FLI1: variants seen among roughly 807,000 people sequenced by gnomAD.
The protein encoded by FLI1 is Friend leukemia integration 1 transcription factor.
FLI1 carries 13 observed loss-of-function variants against 53.1 expected under a neutral mutation model. The ratio of observed to expected loss-of-function variants is 0.24; its 90% CI spans 0.16 to 0.39. The LOEUF (loss-of-function observed/expected upper bound fraction) is 0.39. FLI1 is among the 10% of genes least tolerant of loss of function. The pLI is 1.00. For synonymous variants in FLI1, 244 were observed against 236.7 expected, an observed-to-expected ratio of 1.03 and a Z score of -0.28; for missense variants, 424 against 600.5, an observed-to-expected ratio of 0.71 and a Z score of 3.07.
intron 1 of FLI1, among the ~76,000 whole-genome samples, chr11:128,722,471 A>G (rs1401202099): frequency 6.6e-6 from 1 of 152,230 alleles, no homozygotes; most frequent in Non-Finnish European, 1.5e-5. Context: ...TGCTGTGCCC[A>G]CTGCCCAGAG....
chr11:128,746,937 C>T (rs899487124), intron 1 of FLI1, among the ~76,000 whole-genome samples: 5 of 152,234 alleles, frequency 3.3e-5, no homozygotes, highest in African/African-American at 1.2e-4. Context: ...TTTAAAGCAG[C>T]TGTCCATGAA....
upstream of FLI1, chr11:128,686,496 C>T (rs1265683635): frequency 6.6e-6 from 3 of 456,518 alleles, no homozygotes; most frequent in South Asian, 4.6e-5. Flanking sequence ...TCGGACCCTC[C>T]CTCGCCGGAC....
intron 8 of FLI1, 25 bp downstream of exon 8, chr11:128,809,229 C>G: frequency 6.2e-7 from 1 of 1,609,044 alleles, no homozygotes; most frequent in Non-Finnish European, 8.5e-7. Flanking sequence ...GCCTGCAAGC[C>G]TTTTTTGCCA....
chr11:128,790,870 C>T (rs560969307), intron 5 of FLI1, among the ~76,000 whole-genome samples: 76 of 152,252 alleles, frequency 5.0e-4, no homozygotes, highest in African/African-American at 1.8e-3. Flanking sequence ...TTTAATGAAA[C>T]GCATCACCAT....
chr11:128,812,987 A>G lies in FLI1; in HGVS notation c.*1999A>G, dbSNP rs184045466. 2.5e-3 allele frequency: 415 copies of G among 168,662 alleles called. 87 individuals are homozygous for G. The highest frequency in any genetic ancestry group is 4.4e-3 in the Non-Finnish European group (344 of 77,808). The allele number at this position is 168,662 out of a possible 1,614,324, so 10.4% of individuals were successfully genotyped here. On this transcript the variant is annotated 3_prime_UTR_variant, in exon 9 of 9. Transcript: ENST00000527786. Reference sequence around the variant, plus strand: ...ATTTGCAAGGAATTAGACTCACAGCATTGGTAACCCTAGAACCTTCTTAGG... The same window carrying G: ...ATTTGCAAGGAATTAGACTCACAGCGTTGGTAACCCTAGAACCTTCTTAGG...
Position 128,796,059 on chromosome 11 carries a change from T to A in FLI1, c.656-9307T>A, listed in dbSNP as rs571361476. Among the ~76,000 whole-genome samples, 3 of 152,272 alleles carry A rather than the reference T, an allele frequency of 2.0e-5. No individual in the cohort carries two copies. In the East Asian group the frequency reaches 5.8e-4, roughly 29 times the overall value. On this transcript the variant is annotated intron_variant, in intron 5 of 8. Coordinates refer to ENST00000527786, the MANE Select transcript of FLI1 (RefSeq NM_002017.5). ...TGCCTCAGACCACACAGCTCATAACTGACAGAGATGAGAGGCAAAGCAAGG... is the reference window on the plus strand; with the variant it reads ...TGCCTCAGACCACACAGCTCATAACAGACAGAGATGAGAGGCAAAGCAAGG...
chr11:128,693,941 C>CGAGAGA (rs57930585), upstream of FLI1: 1,236 of 175,952 alleles, frequency 7.0e-3, 21 homozygotes, highest in Middle Eastern at 0.013. Flanking sequence ...GAGCTCGAGG[C>CGAGAGA]GAGAGAGAGA....
Position 128,713,458 on chromosome 11 carries a change from G to T in FLI1, c.18+19182G>T, listed in dbSNP as rs147141122. 2.8e-3 allele frequency among the ~76,000 whole-genome samples: 420 copies of T among 152,224 alleles called. 3 individuals carry two copies. Among genetic ancestry groups the T allele is most frequent in the African/African-American group, 9.3e-3 (386 of 41,520 alleles). On this transcript the variant is annotated intron_variant, in intron 1 of 8. Coordinates refer to ENST00000527786, the MANE Select transcript of FLI1 (RefSeq NM_002017.5). The stretch of plus-strand genomic sequence containing the variant: ...TGTGAACAAAGTGAGTGAGTTACTT[G>T]CTCCTTGAGGGCAGAAACTCTGGCC...
intron 3 of FLI1, among the ~76,000 whole-genome samples, chr11:128,770,956 G>A (rs1230992058): frequency 6.6e-6 from 1 of 152,218 alleles, no homozygotes; most frequent in Admixed American, 6.5e-5. Flanking sequence ...CACAGGTGAG[G>A]TAAAGCAGGA....
rs1166320144 is a variant in FLI1 at position 128,813,027 on chromosome 11, C to T, written c.*2039C>T. 2 of 168,094 alleles carry T rather than the reference C, an allele frequency of 1.2e-5. 1 individual carries two copies. Among genetic ancestry groups the T allele is most frequent in the Non-Finnish European group, 2.6e-5 (2 of 77,746 alleles). 10.4% of individuals were successfully genotyped at this position (168,094 alleles called of 1,614,324 possible). On this transcript the variant is annotated 3_prime_UTR_variant, in exon 9 of 9. Transcript: ENST00000527786. Reference sequence around the variant, plus strand: ...ACCTTCTTAGGGTAACACTAAGTACCTTCTAGACAACATGTCTACCTAAAT... The same window carrying T: ...ACCTTCTTAGGGTAACACTAAGTACTTTCTAGACAACATGTCTACCTAAAT...
chr11:128,745,054 A>G lies in FLI1; in HGVS notation c.19-13061A>G, dbSNP rs112666923. On this transcript the variant is annotated intron_variant, in intron 1 of 8. Coordinates refer to ENST00000527786, the MANE Select transcript of FLI1 (RefSeq NM_002017.5). ...GATTAGGCAGAGAAGACAGGGAGGC[A>G]ATTCTATGCAGGTGAAGCTGCATAT... is the stretch of plus-strand genomic sequence containing the variant. 2.4e-3 allele frequency among the ~76,000 whole-genome samples: 360 copies of G among 152,336 alleles called. 1 individual carries two copies. The highest frequency in any genetic ancestry group is 7.7e-3 in the South Asian group (37 of 4,832).
At chr11:128,714,991 GCTACCGCACCCGGCC>G (rs1481834994) in intron 1 of FLI1, among the ~76,000 whole-genome samples, 3 of 152,118 alleles carry the variant, frequency 2.0e-5, no homozygotes, top group Non-Finnish European at 4.4e-5. Flanking sequence ...ACAGGGGTGA[GCTACCGCACCCGGCC>G]CTTGAAGGCA....
At chr11:128,801,517 T>C (rs922406293) in intron 5 of FLI1, among the ~76,000 whole-genome samples, 1 of 152,224 alleles carries the variant, frequency 6.6e-6, no homozygotes, top group African/African-American at 2.4e-5. Flanking sequence ...TTGACTTCCC[T>C]GTGGGAACAA....
intron 1 of FLI1, among the ~76,000 whole-genome samples, chr11:128,738,758 C>T (rs986694500): frequency 6.6e-6 from 1 of 152,162 alleles, no homozygotes; most frequent in Non-Finnish European, 1.5e-5. Flanking sequence ...CAGGTGTCGT[C>T]GTTATTAGTG....
intron 1 of FLI1, among the ~76,000 whole-genome samples, chr11:128,740,370 GA>G: frequency 6.6e-6 from 1 of 152,304 alleles, no homozygotes; most frequent in South Asian, 2.1e-4. Flanking sequence ...TTTGGTTACA[GA>G]AGTCATGACC....
intron 1 of FLI1, among the ~76,000 whole-genome samples, chr11:128,709,599 G>T (rs1028681383): frequency 6.6e-6 from 1 of 152,164 alleles, no homozygotes; most frequent in African/African-American, 2.4e-5. Flanking sequence ...ACCGATGGCA[G>T]GATATGAGTG....
chr11:128,754,980 T>A (rs1337067608), intron 1 of FLI1, among the ~76,000 whole-genome samples: 2 of 152,208 alleles, frequency 1.3e-5, no homozygotes, highest in African/African-American at 4.8e-5. Flanking sequence ...CTCTATCTCA[T>A]CACTTGTTTT....
chr11:128,685,834 G>T (rs1011294882), upstream of FLI1, among the ~76,000 whole-genome samples: 18 of 151,966 alleles, frequency 1.2e-4, no homozygotes, highest in African/African-American at 4.4e-4. Flanking sequence ...AGAGAAGGAA[G>T]GAAAGGAAGA....
intron 5 of FLI1, among the ~76,000 whole-genome samples, chr11:128,796,907 G>A (rs1045187031): frequency 9.2e-5 from 14 of 152,204 alleles, no homozygotes; most frequent in Non-Finnish European, 7.3e-5. Context: ...TCCGGGAGAC[G>A]GAAGTTGCAG....
Sources: allele counts gnomAD v4.1 joint callset (sites outside exome capture counted in the v4.1 genomes callset), GRCh38; gene constraint gnomAD v4.1.1; transcripts MANE v1.5; gene names NCBI Gene and HGNC (gene_info 2026-07-23, HGNC 2026-07-21).